The following OTX1 variants were observed in gnomAD, a reference collection of about 807,000 sequenced individuals.
OTX1 encodes the protein homeobox protein OTX1.
In OTX1, 7 loss-of-function variants were observed where a neutral mutation model predicts 26.7. The ratio of observed to expected loss-of-function variants is 0.26; its 90% CI spans 0.15 to 0.49. OTX1 has a LOEUF of 0.49. OTX1 is among the 20% of genes least tolerant of loss of function. The pLI is 0.98. For missense variants in OTX1, 414 were observed against 483.8 expected, an observed-to-expected ratio of 0.86 and a Z score of 1.35; for synonymous variants, 216 against 212.8, an observed-to-expected ratio of 1.01 and a Z score of -0.13.
chr2:63,056,096 C>T lies in OTX1; in HGVS notation c.845C>T (p.Ala282Val). 3 of 1,613,940 alleles carry T rather than the reference C, an allele frequency of 1.9e-6. No homozygotes were observed. The highest frequency in any genetic ancestry group is 2.2e-5 in the East Asian group (1 of 44,868). The change falls in exon 5 of 5, where the codon GCG becomes GTG. Residue 282 changes from alanine to valine, a missense_variant. By Grantham distance (64) the Ala-to-Val change is moderately conservative. Transcript: ENST00000282549. ...GGCCACCATCATCACCACCCACATGCGCACCACCCGTTGAGCCAGTCCTCA... is the reference window on the plus strand; with the variant it reads ...GGCCACCATCATCACCACCCACATGTGCACCACCCGTTGAGCCAGTCCTCA... ...MAGHHHHHPH[A>V]HHPLSQSSGH...
At position 63,054,155 on chromosome 2, in the gene OTX1, A is replaced by G. The variant is rs756832053; in HGVS notation, c.206A>G (p.Glu69Gly). 3 of 1,610,474 alleles carry G rather than the reference A, an allele frequency of 1.9e-6. No homozygotes were observed. In the South Asian group the frequency reaches 3.3e-5, roughly 18 times the overall value. The change falls in exon 4 of 5, where the codon GAG becomes GGG. Residue 69 changes from glutamate to glycine, a missense_variant. By Grantham distance (98) the Glu-to-Gly change is moderately conservative. Transcript: ENST00000282549. ...KTRYPDIFMR[E>G]EVALKINLPE... ...CGCTACCCTGACATCTTCATGCGGG[A>G]GGAGGTGGCGCTCAAGATCAACCTG... is the stretch of plus-strand genomic sequence containing the variant.
At position 63,056,395 on chromosome 2, in the gene OTX1, C is replaced by T; in HGVS notation, c.*79C>T. The T allele has an allele frequency of 7.9e-7, 1 of 1,263,756 alleles. No homozygotes were observed. Among genetic ancestry groups the T allele is most frequent in the South Asian group, 1.4e-5 (1 of 72,698 alleles). The allele number at this position is 1,263,756 out of a possible 1,614,324, so 78.3% of individuals were successfully genotyped here. On this transcript the variant is annotated 3_prime_UTR_variant, in exon 5 of 5. Transcript: ENST00000282549. ...CGATCCTGTTGCTGCTGCTGCACCG[C>T]CCGCCTTTGCCTCGTCTTCTCCAAA...
chr2:63,056,499 G>A lies in OTX1; in HGVS notation c.*183G>A, dbSNP rs566157641. On this transcript the variant is annotated 3_prime_UTR_variant, in exon 5 of 5. Transcript: ENST00000282549. ...TTTTGTGCCACTTGCTTGGGGGGAT[G>A]TGCAAACCCACCCTGCCCCTTGGAT... 5 of 629,408 alleles carry A rather than the reference G, an allele frequency of 7.9e-6. No homozygotes were observed. The highest frequency in any genetic ancestry group is 5.9e-5 in the South Asian group (3 of 50,534). The allele number at this position is 629,408 out of a possible 1,614,324, so 39.0% of individuals were successfully genotyped here. A position where few individuals can be genotyped will look rare whatever the true frequency, so the allele number is the denominator to read the frequency against.
chr2:63,050,779 C>G (rs1370973956), upstream of OTX1: 2 of 152,220 alleles, frequency 1.3e-5, no homozygotes, highest in African/African-American at 2.4e-5. Context: ...GGCCTAGCCC[C>G]GTTACGCACT....
chr2:63,053,050 C>G lies in OTX1; in HGVS notation c.60C>G (p.Pro20=), dbSNP rs1309410714. 6.2e-7 allele frequency: 1 copy of G among 1,603,948 alleles called. No individual in the cohort carries two copies. ...TGAACGGGCTGGGCCTGGCCGGGCC[C>G]GCCATGGACCTCCTGCACCCATCCG... ...YGMNGLGLAG[P]AMDLLHPSVG... is the part of the protein sequence containing the mutation. Residue 20 remains proline, a synonymous_variant, in exon 3 of 5, where the codon CCC becomes CCG. Coordinates refer to ENST00000282549, the MANE Select transcript of OTX1 (RefSeq NM_014562.4).
chr2:63,056,292 C>A lies in OTX1; in HGVS notation c.1041C>A (p.Ala347=). ...ACTGTCTGGACTATAAGGACCAAGC[C>A]TCATGGCGGTTCCAGGTCTTGTGAG... ...SPDCLDYKDQ[A]SWRFQVL is the part of the protein sequence containing the mutation. Residue 347 remains alanine (A), a synonymous_variant, in exon 5 of 5, where the codon GCC becomes GCA. Coordinates refer to ENST00000282549, the MANE Select transcript of OTX1 (RefSeq NM_014562.4). 6.2e-7 allele frequency: 1 copy of A among 1,613,188 alleles called. No homozygotes were observed. Among genetic ancestry groups the A allele is most frequent in the Non-Finnish European group, 8.5e-7 (1 of 1,179,304 alleles).
At position 63,055,790 on chromosome 2, in the gene OTX1, C is replaced by T. The variant is rs200204127; in HGVS notation, c.539C>T (p.Ala180Val). The T allele has an allele frequency of 9.9e-6, 16 of 1,612,200 alleles. No individual in the cohort carries two copies. The highest frequency in any genetic ancestry group is 1.2e-5 in the Non-Finnish European group (14 of 1,179,642). ...TPAASSIWSP[A>V]SISPGSAPAS... ...GCTGCCTCATCTATCTGGAGCCCGG[C>T]CTCCATCTCGCCAGGCTCAGCGCCC... Residue 180 changes from alanine (A) to valine (V), a missense_variant, in exon 5 of 5, where the codon GCC becomes GTC. By Grantham distance (64) the Ala-to-Val change is moderately conservative. Transcript: ENST00000282549. The surrounding 1 kb of genome is among the most constrained non-coding windows in gnomAD (Gnocchi z 5.2).
chr2:63,057,002 C>T lies in OTX1; in HGVS notation c.*686C>T, dbSNP rs1018553347. The T allele has an allele frequency of 3.0e-4, 46 of 152,466 alleles. 1 individual carries two copies. The highest frequency in any genetic ancestry group is 2.7e-3 in the Admixed American group (41 of 15,316). The allele number at this position is 152,466 out of a possible 1,614,324, so 9.4% of individuals were successfully genotyped here. A position where few individuals can be genotyped will look rare whatever the true frequency, so the allele number is the denominator to read the frequency against. ...GCTGGACTGGTTCAAGCTTCCGCCTCGGCGGGAACGCTGTACATAGTCAGG... is the reference window on the plus strand; with the variant it reads ...GCTGGACTGGTTCAAGCTTCCGCCTTGGCGGGAACGCTGTACATAGTCAGG... On this transcript the variant is annotated 3_prime_UTR_variant, in exon 5 of 5. Coordinates refer to ENST00000282549, the MANE Select transcript of OTX1 (RefSeq NM_014562.4).
intron 3 of OTX1, 50 bp downstream of exon 3, chr2:63,053,137 C>A: frequency 3.2e-6 from 4 of 1,262,834 alleles, no homozygotes; most frequent in Non-Finnish European, 4.3e-6. Context: ...ATGTTGGGGA[C>A]CCCCAGACTG....
Position 63,054,030 on chromosome 2 carries a change from C to T in OTX1, c.98-17C>T, listed in dbSNP as rs767845758. 3.7e-6 allele frequency: 6 copies of T among 1,606,428 alleles called. No individual in the cohort carries two copies. In the Admixed American group the frequency reaches 5.1e-5, roughly 14 times the overall value. Reference sequence around the variant, plus strand: ...GTGGCCACCAATGACCCGCGGCGCCCCCGCGTGTCCCCGCAGCCACTCCGC... The same window carrying T: ...GTGGCCACCAATGACCCGCGGCGCCTCCGCGTGTCCCCGCAGCCACTCCGC... On this transcript the variant is annotated splice_polypyrimidine_tract_variant and intron_variant, in intron 3 of 4. Coordinates refer to ENST00000282549, the MANE Select transcript of OTX1 (RefSeq NM_014562.4).
Position 63,057,158 on chromosome 2 carries a change from T to C in OTX1, c.*842T>C, listed in dbSNP as rs541988475. ...ATATATATATATATACATATATATA[T>C]ACACATATATAAAAAACAAAAGCAA... On this transcript the variant is annotated 3_prime_UTR_variant, in exon 5 of 5. Transcript: ENST00000282549. 2.6e-5 allele frequency: 4 copies of C among 151,336 alleles called. No individual in the cohort carries two copies. Among genetic ancestry groups the C allele is most frequent in the South Asian group, 2.1e-4 (1 of 4,816 alleles). The allele number at this position is 151,336 out of a possible 1,614,324, so 9.4% of individuals were successfully genotyped here.
At position 63,055,672 on chromosome 2, in the gene OTX1, T is replaced by A; in HGVS notation, c.421T>A (p.Ser141Thr). Residue 141 changes from serine (S) to threonine (T), a missense_variant, in exon 5 of 5, where the codon TCG becomes ACG. Physicochemically the swap from Ser to Thr is moderately conservative, Grantham distance 58. Transcript: ENST00000282549. This position sits in a 1 kb window ranked among gnomAD's most constrained non-coding sequence, Gnocchi z 5.2. ...GTCCAGCTCTGCCTCGTCCTCTAGCTCGGCGTCCAGCTCTTCCGCCAACCC... is the reference window on the plus strand; with the variant it reads ...GTCCAGCTCTGCCTCGTCCTCTAGCACGGCGTCCAGCTCTTCCGCCAACCC... Reference protein sequence around the residue: ...AVSSSASSSSSASSSSANPAA... With the variant: ...AVSSSASSSSTASSSSANPAA... The A allele has an allele frequency of 4.3e-6, 7 of 1,613,940 alleles. No individual in the cohort carries two copies. The highest frequency in any genetic ancestry group is 5.9e-6 in the Non-Finnish European group (7 of 1,179,990).
rs559491987 is a variant in OTX1, at chr2:63,055,358, C to T, written c.250-143C>T. The T allele has an allele frequency of 2.1e-4, 186 of 869,536 alleles. No homozygotes were observed. The Middle Eastern group carries it at 2.5e-3, about 12-fold the overall frequency. The allele number at this position is 869,536 out of a possible 1,614,324, so 53.9% of individuals were successfully genotyped here. A position where few individuals can be genotyped will look rare whatever the true frequency, so the allele number is the denominator to read the frequency against. On this transcript the variant is annotated intron_variant, in intron 4 of 4. Coordinates refer to ENST00000282549, the MANE Select transcript of OTX1 (RefSeq NM_014562.4). The surrounding 1 kb of genome is among the most constrained non-coding windows in gnomAD (Gnocchi z 5.2). ...AACCGAGGTAGGGGGCAGGGTCTGGCCAGGCCAGAGACAGGAAGGGGCGGA... is the reference window on the plus strand; with the variant it reads ...AACCGAGGTAGGGGGCAGGGTCTGGTCAGGCCAGAGACAGGAAGGGGCGGA...
chr2:63,053,900 C>A, intron 3 of OTX1, 147 bp from the exon 4 acceptor site: 1 of 906,194 alleles, frequency 1.1e-6, no homozygotes, highest in Non-Finnish European at 1.6e-6. Context: ...CTCTCAGGCT[C>A]GGCCGCCCGA....
Position 63,053,047 on chromosome 2 carries a change from G to A in OTX1, c.57G>A (p.Gly19=), listed in dbSNP as rs755992006. 2 of 1,604,236 alleles carry A rather than the reference G, an allele frequency of 1.2e-6. No homozygotes were observed. The highest frequency in any genetic ancestry group is 2.2e-5 in the South Asian group (2 of 90,820). The change falls in exon 3 of 5, where the codon GGG becomes GGA. Residue 19 remains glycine, a synonymous_variant. Coordinates refer to ENST00000282549, the MANE Select transcript of OTX1 (RefSeq NM_014562.4). ...GCATGAACGGGCTGGGCCTGGCCGG[G>A]CCCGCCATGGACCTCCTGCACCCAT... ...PYGMNGLGLA[G]PAMDLLHPSV...
At position 63,057,697 on chromosome 2, in the gene OTX1, C is replaced by G. The variant is rs1223756222; in HGVS notation, c.*1381C>G. On this transcript the variant is annotated 3_prime_UTR_variant, in exon 5 of 5. Coordinates refer to ENST00000282549, the MANE Select transcript of OTX1 (RefSeq NM_014562.4). ...TCAATTTTGGCTTTGGCCGCTTCGT[C>G]CAGTAGGTGGGAAAGTAATTTGTAA... The G allele has an allele frequency of 6.6e-6, 1 of 152,158 alleles. No individual in the cohort carries two copies. The highest frequency in any genetic ancestry group is 1.5e-5 in the Non-Finnish European group (1 of 68,032). 9.4% of individuals were successfully genotyped at this position (152,158 alleles called of 1,614,324 possible).
intron 2 of OTX1, chr2:63,052,038 C>T (rs934427494): frequency 6.6e-6 from 1 of 152,488 alleles, no homozygotes; most frequent in Non-Finnish European, 1.5e-5. Context: ...TTCACAAATC[C>T]CCGAGACCCT....
rs2062069496 is a variant in OTX1 at position 63,056,533 on chromosome 2, C to T, written c.*217C>T. The T allele has an allele frequency of 1.7e-6, 1 of 598,710 alleles. No individual in the cohort carries two copies. Among genetic ancestry groups the T allele is most frequent in the Non-Finnish European group, 3.0e-6 (1 of 337,192 alleles). The allele number at this position is 598,710 out of a possible 1,614,324, so 37.1% of individuals were successfully genotyped here. A position where few individuals can be genotyped will look rare whatever the true frequency, so the allele number is the denominator to read the frequency against. On this transcript the variant is annotated 3_prime_UTR_variant, in exon 5 of 5. Coordinates refer to ENST00000282549, the MANE Select transcript of OTX1 (RefSeq NM_014562.4). ...CACCCTGCCCCTTGGATGGGGGGAC[C>T]GGTGCTTCGGCTTGGCCTACACATT... is the stretch of plus-strand genomic sequence containing the variant.
Position 63,052,947 on chromosome 2 carries a change from C to A in OTX1, c.-44C>A. 7.2e-7 allele frequency: 1 copy of A among 1,392,182 alleles called. No homozygotes were observed. Among genetic ancestry groups the A allele is most frequent in the Non-Finnish European group, 1.0e-6 (1 of 988,546 alleles). The allele number at this position is 1,392,182 out of a possible 1,614,324, so 86.2% of individuals were successfully genotyped here. ...GGGAGCCCTGCACCGCTCCTGGCCC[C>A]GGGCCCCCTGGATCCGTCGGGGCGC... On this transcript the variant is annotated 5_prime_UTR_variant, in exon 3 of 5. Transcript: ENST00000282549.
Sources: gnomAD v4.1 joint callset for allele counts on GRCh38, gnomAD v4.1.1 for gene constraint, Gnocchi (gnomAD v3.1) non-coding constraint, MANE v1.5 for transcripts, NCBI Gene and HGNC (gene_info 2026-07-23, HGNC 2026-07-21) for gene names.